Variants in ZNHIT3 observed in about 807,000 individuals in gnomAD.
ZNHIT3 encodes the protein zinc finger HIT-type containing 3, also known as zinc finger HIT domain-containing protein 3.
In ZNHIT3, 27 loss-of-function variants were observed where a neutral mutation model predicts 19.9. The observed-to-expected ratio is 1.36, with a 90% CI of 1.00 to 1.87. ZNHIT3 has a LOEUF of 1.87. Among genes scored for constraint, ZNHIT3 ranks in the 40% most tolerant of loss-of-function variants. ZNHIT3 has a pLI of 0.00. For missense variants in ZNHIT3, 215 were observed against 185.6 expected, an observed-to-expected ratio of 1.16 and a Z score of -0.92; for synonymous variants, 81 against 65.7, an observed-to-expected ratio of 1.23 and a Z score of -1.13.
At chr17:36,492,735 G>A in intron 2 of ZNHIT3, 78 bp from the exon 3 acceptor site, 2 of 1,311,652 alleles carry the variant, frequency 1.5e-6, no homozygotes, top group Non-Finnish European at 2.2e-6. Context: ...TTCCTACCTA[G>A]ATGCTACCTT....
intron 2 of ZNHIT3, chr17:36,490,170 T>TCC (rs2070695293): frequency 6.6e-6 from 1 of 152,162 alleles, no homozygotes; most frequent in East Asian, 1.9e-4. Flanking sequence ...TAGACCAATG[T>TCC]CCTGAAGCAT....
In ZNHIT3 at chr17:36,495,743, G is replaced by GTACAT; in HGVS notation, c.*340_*341insACATT. 8.0e-7 allele frequency: 1 copy of GTACAT among 1,244,992 alleles called. No individual in the cohort carries two copies. Among genetic ancestry groups the GTACAT allele is most frequent in the Non-Finnish European group, 1.0e-6 (1 of 995,732 alleles). The allele number at this position is 1,244,992 out of a possible 1,614,324, so 77.1% of individuals were successfully genotyped here. On this transcript the variant is annotated 3_prime_UTR_variant, in exon 5 of 5. Transcript: ENST00000617429. ...TGGTCAGTGTTAATAAAATCAAAACGTGATTCTACTGTACATTGCATTATT... is the reference window on the plus strand; with the variant it reads ...TGGTCAGTGTTAATAAAATCAAAACGTACATTGATTCTACTGTACATTGCATTATT...
At chr17:36,494,856 A>T (rs937617825) in intron 4 of ZNHIT3, among the ~76,000 whole-genome samples, 3 of 152,198 alleles carry the variant, frequency 2.0e-5, no homozygotes, top group African/African-American at 7.2e-5. Context: ...GCTTAATGCT[A>T]CTATTTGCTT....
At chr17:36,497,701 C>T, downstream of ZNHIT3, 1 of 252,540 alleles carries the variant, frequency 4.0e-6, no homozygotes, top group Non-Finnish European at 6.3e-6. Context: ...TCTCATGCCT[C>T]AGCCTCCCGA....
At chr17:36,499,249 G>T, downstream of ZNHIT3, 5 of 875,716 alleles carry the variant, frequency 5.7e-6, no homozygotes, top group Admixed American at 2.8e-5. Flanking sequence ...CACAGTTGCT[G>T]TCAAAGTTTC....
downstream of ZNHIT3, chr17:36,498,923 A>C: frequency 1.6e-6 from 1 of 637,488 alleles, no homozygotes. Context: ...TACTGTGCCC[A>C]CTGCATACAT....
At chr17:36,486,987 C>T (rs1302899896) in intron 2 of ZNHIT3, 21 bp downstream of exon 2, 8 of 1,610,680 alleles carry the variant, frequency 5.0e-6, no homozygotes, top group Non-Finnish European at 6.8e-6. Context: ...TCCCCGCCAG[C>T]CCTCGTACCA....
Position 36,495,335 on chromosome 17 carries a change from G to A in ZNHIT3, c.399G>A (p.Glu133=). The change falls in exon 5 of 5, where the codon GAG becomes GAA. Residue 133 remains glutamate, a synonymous_variant. Transcript: ENST00000617429. ...AGCTCATGAGAGCTTACATGCAAGA[G>A]CCTTTGTTTGTGGAGTTTGCAGACT... The part of the protein sequence containing the change: ...KAKLMRAYMQ[E]PLFVEFADCC... 1.9e-6 allele frequency: 3 copies of A among 1,613,640 alleles called. No homozygotes were observed. Among genetic ancestry groups the A allele is most frequent in the South Asian group, 1.1e-5 (1 of 90,960 alleles).
In ZNHIT3 at chr17:36,493,910, GT is replaced by G; in HGVS notation, c.206-12del. The stretch of plus-strand genomic sequence containing the variant: ...CCTTTTTAGCCATGAGCCATTGACT[GT>G]TTTGTATTCCTTAGATGATGATGAC... On this transcript the variant is annotated splice_polypyrimidine_tract_variant and intron_variant, in intron 3 of 4. Coordinates refer to ENST00000617429, the MANE Select transcript of ZNHIT3 (RefSeq NM_004773.4). 6.3e-7 allele frequency: 1 copy of G among 1,599,724 alleles called. No homozygotes were observed. The highest frequency in any genetic ancestry group is 8.6e-7 in the Non-Finnish European group (1 of 1,167,606).
chr17:36,489,504 T>C (rs999536029), intron 2 of ZNHIT3: 32 of 152,366 alleles, frequency 2.1e-4, no homozygotes, highest in African/African-American at 7.2e-4. Flanking sequence ...GGTGAGATGA[T>C]ACCTCATTGT....
At chr17:36,492,464 G>C in intron 2 of ZNHIT3, 1 of 242,776 alleles carries the variant, frequency 4.1e-6, no homozygotes, top group Non-Finnish European at 7.9e-6. Context: ...GACTCTGTAA[G>C]TTCTTTGGTG....
At chr17:36,494,284 C>G (rs1020696701) in intron 4 of ZNHIT3, among the ~76,000 whole-genome samples, 10 of 152,162 alleles carry the variant, frequency 6.6e-5, no homozygotes, top group Admixed American at 6.6e-5. Context: ...TTTTCTTGAC[C>G]TTTTGTGTCT....
At position 36,486,777 on chromosome 17, in the gene ZNHIT3, C is replaced by T. The variant is rs1393011320; in HGVS notation, c.78C>T (p.Arg26=). ...EKPKYRCPAC[R]VPYCSVVCFR... ...CCAAATACCGCTGTCCAGCCTGCCG[C>T]GTGCCCTAGTGAGCGGGGAGGTCGC... The change falls in exon 1 of 5, where the codon CGC becomes CGT. Residue 26 remains arginine (R), a synonymous_variant. Transcript: ENST00000617429. The T allele has an allele frequency of 1.3e-6, 2 of 1,588,934 alleles. No homozygotes were observed. Among genetic ancestry groups the T allele is most frequent in the South Asian group, 1.1e-5 (1 of 90,458 alleles).
chr17:36,498,085 G>A (rs1176208623), downstream of ZNHIT3: 6 of 617,336 alleles, frequency 9.7e-6, no homozygotes, highest in African/African-American at 1.8e-5. Context: ...AAGATTCCCA[G>A]TTATAACAAA....
chr17:36,490,715 T>C (rs1247873657), intron 2 of ZNHIT3: 1 of 152,250 alleles, frequency 6.6e-6, no homozygotes, highest in African/African-American at 2.4e-5. Flanking sequence ...TTGGTGGATA[T>C]TTACATTAAT....
chr17:36,497,538 C>T (rs564950763), downstream of ZNHIT3: 10 of 984,614 alleles, frequency 1.0e-5, no homozygotes, highest in Non-Finnish European at 1.2e-5. Context: ...TGCTATGTCT[C>T]GTGAATTTTT....
chr17:36,493,638 G>A (rs1289014649), intron 3 of ZNHIT3, among the ~76,000 whole-genome samples: 6 of 152,200 alleles, frequency 3.9e-5, no homozygotes, highest in Admixed American at 2.0e-4. Context: ...TTAGACAACC[G>A]GGGTCTAAGC....
intron 2 of ZNHIT3, among the ~76,000 whole-genome samples, chr17:36,487,446 A>C (rs1312109472): frequency 6.6e-6 from 1 of 152,214 alleles, no homozygotes; most frequent in Admixed American, 6.5e-5. Context: ...TTAAGAGAAA[A>C]AAAGAACCAA....
chr17:36,486,934 G>C lies in ZNHIT3; in HGVS notation c.87-1G>C. On this transcript the variant is annotated splice_acceptor_variant, in intron 1 of 4. Transcript: ENST00000617429. LOFTEE classifies it high-confidence loss of function. ...GCGGCCTGTGGCCTCTGTTGTTACA[G>C]CTGCTCGGTAGTCTGCTTCCGGAAG... The C allele has an allele frequency of 1.2e-6, 2 of 1,611,088 alleles. No homozygotes were observed. Among genetic ancestry groups the C allele is most frequent in the Non-Finnish European group, 1.7e-6 (2 of 1,179,400 alleles).
Sources: allele counts gnomAD v4.1 joint callset (sites outside exome capture counted in the v4.1 genomes callset), GRCh38; gene constraint gnomAD v4.1.1; transcripts MANE v1.5; gene names NCBI Gene and HGNC (gene_info 2026-07-23, HGNC 2026-07-21).